The following SSBP2 variants were observed in gnomAD, a reference collection of about 807,000 sequenced individuals.
SSBP2 encodes the protein single stranded DNA binding protein 2, also known as single-stranded DNA-binding protein 2.
In SSBP2, 17 loss-of-function variants were observed where a neutral mutation model predicts 61.8. The observed-to-expected ratio is 0.28, with a 90% confidence interval of 0.19 to 0.41. SSBP2 has a LOEUF of 0.41. Ranked by LOEUF, SSBP2 falls within the 10% of genes least tolerant of loss-of-function variation. The pLI, the probability that SSBP2 is intolerant of heterozygous loss-of-function variation, is 1.00. For synonymous variants in SSBP2, 139 were observed against 141.3 expected (o/e 0.98, Z 0.12); for missense variants, 310 against 458.7 (o/e 0.68, Z 2.96).
In SSBP2 at chr5:81,695,995, T is replaced by C. The variant is rs144242700; in HGVS notation, c.63-45656A>G. Reference sequence around the variant, plus strand: ...ATTCAAATATTTCCTAATGATATTATTGATAAAAAGGAAATGTTAATATAA... The same window carrying C: ...ATTCAAATATTTCCTAATGATATTACTGATAAAAAGGAAATGTTAATATAA... On this transcript the variant is annotated intron_variant, in intron 1 of 16. Transcript: ENST00000320672. Among the ~76,000 whole-genome samples, 784 of 152,300 alleles carry C rather than the reference T, an allele frequency of 5.1e-3. 4 individuals carry two copies. The highest frequency in any genetic ancestry group is 0.016 in the Admixed American group (238 of 15,292).
chr5:81,646,688 ATTTTTTT>A (rs68107334), intron 2 of SSBP2, among the ~76,000 whole-genome samples: 5 of 85,934 alleles, frequency 5.8e-5, no homozygotes, highest in Admixed American at 4.4e-4. Context: ...TGATGATGTC[ATTTTTTT>A]TTTTTTTTTT....
chr5:81,513,536 A>G (rs1360923665), intron 5 of SSBP2, 92 bp downstream of exon 5: 2 of 786,536 alleles, frequency 2.5e-6, no homozygotes, highest in African/African-American at 3.5e-5. Context: ...TACCTTAAAA[A>G]TTAAAATAGC....
rs1048172105 is a variant in SSBP2 at position 81,574,479 on chromosome 5, G to A, written c.282+40994C>T. Among the ~76,000 whole-genome samples the A allele has an allele frequency of 2.6e-5, 4 of 151,804 alleles. No individual in the cohort carries two copies. The South Asian group carries it at 8.3e-4, about 32-fold the overall frequency. On this transcript the variant is annotated intron_variant, in intron 4 of 16. Coordinates refer to ENST00000320672, the MANE Select transcript of SSBP2 (RefSeq NM_012446.5). Reference sequence around the variant, plus strand: ...AAGTCTTTGGAATCCCAGAATAAAAGGAGTTGAAAAAAATAGAGGCAGAAG... The same window carrying A: ...AAGTCTTTGGAATCCCAGAATAAAAAGAGTTGAAAAAAATAGAGGCAGAAG...
Position 81,420,385 on chromosome 5 carries a change from G to T in SSBP2, c.*119C>A. On this transcript the variant is annotated 3_prime_UTR_variant, in exon 17 of 17. Coordinates refer to ENST00000320672, the MANE Select transcript of SSBP2 (RefSeq NM_012446.5). ...GGAGAGAGCAGGAAATAAAAAGGTT[G>T]GTTTGGTGTGACTGAGATTCCTTTG... is the stretch of plus-strand genomic sequence containing the variant. The T allele has an allele frequency of 1.1e-6, 1 of 940,992 alleles. No individual in the cohort carries two copies. Among genetic ancestry groups the T allele is most frequent in the Non-Finnish European group, 1.7e-6 (1 of 590,258 alleles). The allele number at this position is 940,992 out of a possible 1,614,324, so 58.3% of individuals were successfully genotyped here. A position where few individuals can be genotyped will look rare whatever the true frequency, so the allele number is the denominator to read the frequency against.
intron 3 of SSBP2, among the ~76,000 whole-genome samples, chr5:81,623,956 CAT>C (rs1363342601): frequency 3.9e-5 from 6 of 152,074 alleles, no homozygotes; most frequent in Non-Finnish European, 1.5e-5. Context: ...TCTTGTTTAA[CAT>C]AGGCAAAGAA....
chr5:81,587,633 G>A (rs1044263976), intron 4 of SSBP2, among the ~76,000 whole-genome samples: 2 of 152,174 alleles, frequency 1.3e-5, no homozygotes, highest in Non-Finnish European at 2.9e-5. Context: ...GGGAGGCTGA[G>A]ACAGGGGAAT....
At chr5:81,491,899 G>C (rs1766881700) in intron 5 of SSBP2, among the ~76,000 whole-genome samples, 1 of 152,094 alleles carries the variant, frequency 6.6e-6, no homozygotes, top group Non-Finnish European at 1.5e-5. Flanking sequence ...TATTCAGATT[G>C]ATCCTTCCCT....
chr5:81,563,396 T>C (rs1561543482), intron 4 of SSBP2, among the ~76,000 whole-genome samples: 1 of 152,114 alleles, frequency 6.6e-6, no homozygotes, highest in Non-Finnish European at 1.5e-5. Context: ...AAAAAAATTC[T>C]AAAGGTTCTA....
At position 81,448,958 on chromosome 5, in the gene SSBP2, T is replaced by C. The variant is rs1006980682; in HGVS notation, c.688-133A>G. On this transcript the variant is annotated intron_variant, in intron 10 of 16. Transcript: ENST00000320672. ...AAAGTATAGTAAAGGATAAAAAAAT[T>C]TGTATCTGTTTAAGTACTGGAAAAC... 2.8e-5 allele frequency: 19 copies of C among 675,028 alleles called. 1 individual carries two copies. In the South Asian group the frequency reaches 3.1e-4, roughly 11 times the overall value. The allele number at this position is 675,028 out of a possible 1,614,324, so 41.8% of individuals were successfully genotyped here.
At chr5:81,674,247 G>A (rs998872117) in intron 1 of SSBP2, among the ~76,000 whole-genome samples, 1 of 152,116 alleles carries the variant, frequency 6.6e-6, no homozygotes, top group African/African-American at 2.4e-5. Flanking sequence ...AAAGGACCAA[G>A]AAGTGGCAAG....
intron 4 of SSBP2, among the ~76,000 whole-genome samples, chr5:81,540,050 T>C (rs946283214): frequency 2.0e-5 from 3 of 152,228 alleles, no homozygotes; most frequent in Admixed American, 1.3e-4. Flanking sequence ...GCTTCGTCCA[T>C]GTCCCTACAA....
chr5:81,440,538 A>T lies in SSBP2; in HGVS notation c.928+20T>A. 1 of 1,603,688 alleles carries T rather than the reference A, an allele frequency of 6.2e-7. No homozygotes were observed. The highest frequency in any genetic ancestry group is 8.5e-7 in the Non-Finnish European group (1 of 1,171,596). On this transcript the variant is annotated intron_variant, in intron 14 of 16. Coordinates refer to ENST00000320672, the MANE Select transcript of SSBP2 (RefSeq NM_012446.5). ...GTTTTGTTATGAATTTATTCTAAACATCAAATTGAAAAGCCTTACCTAAAG... is the reference window on the plus strand; with the variant it reads ...GTTTTGTTATGAATTTATTCTAAACTTCAAATTGAAAAGCCTTACCTAAAG...
intron 1 of SSBP2, among the ~76,000 whole-genome samples, chr5:81,697,247 T>C (rs1442255040): frequency 6.6e-6 from 1 of 152,198 alleles, no homozygotes; most frequent in Non-Finnish European, 1.5e-5. Flanking sequence ...TGCTTTCGAC[T>C]TAACCAGCCA....
chr5:81,565,783 T>C (rs138031610), intron 4 of SSBP2, among the ~76,000 whole-genome samples: 1 of 152,302 alleles, frequency 6.6e-6, no homozygotes, highest in East Asian at 1.9e-4. Flanking sequence ...ACACATTTCA[T>C]TGGAAATATT....
chr5:81,623,249 T>C (rs1746794941), intron 3 of SSBP2, among the ~76,000 whole-genome samples: 1 of 152,146 alleles, frequency 6.6e-6, no homozygotes, highest in Admixed American at 6.5e-5. Flanking sequence ...CTTTCCTAAT[T>C]TCCCTAATTT....
At chr5:81,721,583 T>G (rs1755547504) in intron 1 of SSBP2, among the ~76,000 whole-genome samples, 1 of 152,012 alleles carries the variant, frequency 6.6e-6, no homozygotes, top group African/African-American at 2.4e-5. Context: ...AGTGACTAAC[T>G]AATCAACATG....
intron 5 of SSBP2, among the ~76,000 whole-genome samples, chr5:81,502,446 T>C (rs951490832): frequency 6.6e-6 from 1 of 152,202 alleles, no homozygotes; most frequent in Non-Finnish European, 1.5e-5. Context: ...TGTTTCCATC[T>C]ATGCTCACTA....
chr5:81,554,479 CAA>C (rs1390198131), intron 4 of SSBP2, among the ~76,000 whole-genome samples: 2 of 150,856 alleles, frequency 1.3e-5, no homozygotes, highest in African/African-American at 4.9e-5. Flanking sequence ...TTAATTAACA[CAA>C]AGGCTCAAAT....
chr5:81,443,479 T>C (rs527719954), intron 12 of SSBP2, among the ~76,000 whole-genome samples: 19 of 152,316 alleles, frequency 1.2e-4, no homozygotes, highest in Middle Eastern at 6.8e-3. Context: ...ATATTTTACA[T>C]TGAGAAAATA....
Sources: gnomAD v4.1 joint callset for allele counts (sites outside exome capture counted in the v4.1 genomes callset) on GRCh38, gnomAD v4.1.1 for gene constraint, MANE v1.5 for transcripts, NCBI Gene and HGNC (gene_info 2026-07-23, HGNC 2026-07-21) for gene names.